Variants in PEPD observed in about 807,000 individuals in gnomAD.
PEPD encodes the protein peptidase D.
PEPD carries 53 observed loss-of-function variants against 60.7 expected under a neutral mutation model. The ratio of observed to expected loss-of-function variants is 0.87; its 90% CI spans 0.70 to 1.10. The LOEUF is 1.10. PEPD is among the 50% of genes least tolerant of loss of function. The probability of loss-of-function intolerance (pLI) is 0.00; values close to 1 mark genes in which losing one functional copy is unlikely to be tolerated. For synonymous variants in PEPD, 267 were observed against 284.1 expected (o/e 0.94, Z 0.60); for missense variants, 711 against 711.9 (o/e 1.00, Z 0.01).
At chr19:33,405,981 A>G (rs1412749074) in intron 11 of PEPD, among the ~76,000 whole-genome samples, 3 of 152,208 alleles carry the variant, frequency 2.0e-5, no homozygotes, top group Non-Finnish European at 2.9e-5. Context: ...GGGAACTGGC[A>G]TTGCCATTTT....
At chr19:33,416,074 C>A (rs1968884816) in intron 9 of PEPD, among the ~76,000 whole-genome samples, 1 of 152,186 alleles carries the variant, frequency 6.6e-6, no homozygotes, top group African/African-American at 2.4e-5. Context: ...AGCGTGTGAG[C>A]CCGGCGCGGC....
rs781520198 is a variant in PEPD, at chr19:33,512,616, C to T, written c.178G>A (p.Asp60Asn). 27 of 1,613,886 alleles carry T rather than the reference C, an allele frequency of 1.7e-5. No individual in the cohort carries two copies. Among genetic ancestry groups the T allele is most frequent in the Middle Eastern group, 1.7e-4 (1 of 6,010 alleles). ...ACCTGGCGGAAGAGGACCCCGGTGT[C>T]GGTGCAGTAGCGCTGAGTCTCCTCC... ...GGEETQRYCT[D>N]TGVLFRQESF... The change falls in exon 2 of 15, where the codon GAC becomes AAC. Residue 60 changes from aspartate (D) to asparagine (N), a missense_variant. Physicochemically the swap from Asp to Asn is conservative, Grantham distance 23. Transcript: ENST00000244137.
At chr19:33,401,599 G>T in intron 12 of PEPD, 122 bp downstream of exon 12, 1 of 919,618 alleles carries the variant, frequency 1.1e-6, no homozygotes. Flanking sequence ...CAGGGACTAA[G>T]CATCTGGAGT....
At chr19:33,474,846 G>A (rs1406339783) in intron 7 of PEPD, among the ~76,000 whole-genome samples, 7 of 151,968 alleles carry the variant, frequency 4.6e-5, no homozygotes. Context: ...TGGATGTGGT[G>A]GCGTGTACCT....
At chr19:33,405,989 T>A (rs1968613864) in intron 11 of PEPD, among the ~76,000 whole-genome samples, 1 of 152,158 alleles carries the variant, frequency 6.6e-6, no homozygotes, top group Non-Finnish European at 1.5e-5. Flanking sequence ...GCATTGCCAT[T>A]TTATGCATGA....
intron 6 of PEPD, among the ~76,000 whole-genome samples, chr19:33,480,813 CGT>C (rs67751032): frequency 0.024 from 3,017 of 127,626 alleles, 58 homozygotes; most frequent in Middle Eastern, 0.071. Context: ...ATATATATAG[CGT>C]GTGTGTGTGT....
At chr19:33,390,740 AC>A (rs112977316) in intron 13 of PEPD, among the ~76,000 whole-genome samples, 1 of 152,162 alleles carries the variant, frequency 6.6e-6, no homozygotes, top group African/African-American at 2.4e-5. Flanking sequence ...TTATCTGCCA[AC>A]GGGCCCCAGA....
chr19:33,399,267 CCA>C (rs1331321005), intron 12 of PEPD, among the ~76,000 whole-genome samples: 1 of 152,200 alleles, frequency 6.6e-6, no homozygotes, highest in Non-Finnish European at 1.5e-5. Context: ...TAAGTGTGAG[CCA>C]CAGAGCCCGG....
intron 9 of PEPD, among the ~76,000 whole-genome samples, chr19:33,443,225 C>T (rs1969518761): frequency 2.6e-5 from 4 of 152,304 alleles, no homozygotes; most frequent in East Asian, 1.9e-4. Flanking sequence ...CAAGATCTAT[C>T]GATTCTGTCA....
intron 6 of PEPD, among the ~76,000 whole-genome samples, chr19:33,480,149 A>C (rs1037944990): frequency 6.6e-6 from 1 of 152,210 alleles, no homozygotes; most frequent in Non-Finnish European, 1.5e-5. Flanking sequence ...TATATGCTCT[A>C]AAGAGACACA....
At chr19:33,512,481 C>G in intron 2 of PEPD, 112 bp downstream of exon 2, 1 of 1,015,906 alleles carries the variant, frequency 9.8e-7, no homozygotes, top group Non-Finnish European at 1.5e-6. Flanking sequence ...GAAACAGAGG[C>G]TCAGGGAGGG....
At chr19:33,441,013 G>A (rs1272696197) in intron 9 of PEPD, among the ~76,000 whole-genome samples, 1 of 152,200 alleles carries the variant, frequency 6.6e-6, no homozygotes, top group East Asian at 1.9e-4. Flanking sequence ...AGAGGATCGG[G>A]AGACCCAAGC....
intron 9 of PEPD, among the ~76,000 whole-genome samples, chr19:33,458,574 CGAGTGTGGTGTGTGTGTGGT>C (rs1343288348): frequency 3.6e-4 from 16 of 44,458 alleles, no homozygotes; most frequent in Admixed American, 7.1e-4. Context: ...GTATGTGGAA[CGAGTGTGGTGTGTGTGTGGT>C]GAGTATGGTG....
intron 11 of PEPD, among the ~76,000 whole-genome samples, chr19:33,407,722 T>C (rs1968663740): frequency 6.6e-6 from 1 of 151,660 alleles, no homozygotes; most frequent in Non-Finnish European, 1.5e-5. Flanking sequence ...GGAGATGGGG[T>C]TCATGGCGAA....
intron 9 of PEPD, among the ~76,000 whole-genome samples, chr19:33,425,632 G>T (rs1414680513): frequency 6.6e-6 from 1 of 152,188 alleles, no homozygotes; most frequent in African/African-American, 2.4e-5. Context: ...TGGCAAATTA[G>T]ATTGGGTTTC....
At chr19:33,432,040 G>A (rs1280067024) in intron 9 of PEPD, among the ~76,000 whole-genome samples, 1 of 145,110 alleles carries the variant, frequency 6.9e-6, no homozygotes, top group African/African-American at 2.6e-5. Context: ...TGACCATTAC[G>A]AGTCTAAGAG....
intron 9 of PEPD, among the ~76,000 whole-genome samples, chr19:33,431,922 G>A (rs902888446): frequency 6.7e-6 from 1 of 149,508 alleles, no homozygotes; most frequent in Non-Finnish European, 1.5e-5. Context: ...GAACCTGGGA[G>A]GCGGAGGCTG....
At chr19:33,420,985 C>T (rs998777049) in intron 9 of PEPD, among the ~76,000 whole-genome samples, 6 of 152,162 alleles carry the variant, frequency 3.9e-5, no homozygotes, top group Admixed American at 2.0e-4. Flanking sequence ...TGGCTGCTTC[C>T]GCTGCCACAA....
intron 12 of PEPD, among the ~76,000 whole-genome samples, chr19:33,392,660 G>A (rs750844925): frequency 2.0e-5 from 3 of 152,212 alleles, no homozygotes; most frequent in Non-Finnish European, 2.9e-5. Flanking sequence ...CTTGGCTCCC[G>A]AGGGCCTCCC....
Sources: allele counts gnomAD v4.1 joint callset (sites outside exome capture counted in the v4.1 genomes callset), GRCh38; gene constraint gnomAD v4.1.1; transcripts MANE v1.5; gene names NCBI Gene and HGNC (gene_info 2026-07-23, HGNC 2026-07-21).